SLC1A1: variants seen among roughly 807,000 people sequenced by gnomAD.
SLC1A1 encodes excitatory amino acid transporter 3.
SLC1A1 carries 43 observed loss-of-function variants against 53.3 expected under a neutral mutation model. That is an observed-to-expected ratio of 0.81 (90% CI 0.63 to 1.04). The LOEUF (loss-of-function observed/expected upper bound fraction) is 1.04. Among genes scored for constraint, SLC1A1 ranks in the 50% least tolerant of loss-of-function variants. SLC1A1 has a pLI of 0.00. For synonymous variants in SLC1A1, 307 were observed against 243.2 expected (o/e 1.26, Z -2.44); for missense variants, 748 against 664.9 (o/e 1.12, Z -1.37).
At chr9:4,507,994 G>C (rs7033181) in intron 1 of SLC1A1, among the ~76,000 whole-genome samples, 9,197 of 152,112 alleles carry the variant, frequency 0.06, 873 homozygotes, top group African/African-American at 0.21. Context: ...GGAGGAAAAG[G>C]TGTACCCTTC....
At chr9:4,503,837 A>G (rs1820714118) in intron 1 of SLC1A1, among the ~76,000 whole-genome samples, 1 of 151,820 alleles carries the variant, frequency 6.6e-6, no homozygotes, top group Non-Finnish European at 1.5e-5. Context: ...ACTGATTACA[A>G]CCTTCTTCAC....
chr9:4,541,856 C>G (rs575248297), intron 1 of SLC1A1, among the ~76,000 whole-genome samples: 26 of 152,320 alleles, frequency 1.7e-4, no homozygotes, highest in Non-Finnish European at 3.2e-4. Flanking sequence ...CTTTGGGAAC[C>G]TCTCCATAAT....
rs911987444 is a variant in SLC1A1 at position 4,549,475 on chromosome 9, C to T, written c.232+4768C>T. 2.0e-5 allele frequency among the ~76,000 whole-genome samples: 3 copies of T among 152,268 alleles called. No homozygotes were observed. Among genetic ancestry groups the T allele is most frequent in the Middle Eastern group, 3.4e-3 (1 of 294 alleles). ...CACCAATGGTGACATCCAACTGCTC[C>T]CTGAAGGGGCTCCCAGGGCCTCTTA... On this transcript the variant is annotated intron_variant, in intron 2 of 11. Coordinates refer to ENST00000262352, the MANE Select transcript of SLC1A1 (RefSeq NM_004170.6). This position sits in a 1 kb window ranked among gnomAD's most constrained non-coding sequence, Gnocchi z 4.1.
intron 1 of SLC1A1, among the ~76,000 whole-genome samples, chr9:4,510,068 A>G (rs1820948440): frequency 6.6e-6 from 1 of 152,188 alleles, no homozygotes; most frequent in South Asian, 2.1e-4. Flanking sequence ...TCCTGACCTC[A>G]AGTGATCCGC....
At chr9:4,557,598 C>T (rs1331440299) in intron 2 of SLC1A1, among the ~76,000 whole-genome samples, 2 of 150,424 alleles carry the variant, frequency 1.3e-5, no homozygotes, top group Non-Finnish European at 3.0e-5. Context: ...CCAGCCTGGG[C>T]AACATAGTGA....
At chr9:4,525,794 G>C in intron 1 of SLC1A1, among the ~76,000 whole-genome samples, 1 of 151,978 alleles carries the variant, frequency 6.6e-6, no homozygotes, top group East Asian at 1.9e-4. Context: ...GCATCACAGA[G>C]AGATAAAAAA....
chr9:4,573,985 G>A lies in SLC1A1; in HGVS notation c.846G>A (p.Leu282=), dbSNP rs1463027665. ...EVEDWEIFRK[L]GLYMATVLTG... is the part of the protein sequence containing the mutation. ...AAGACTGGGAAATATTCCGCAAGCT[G>A]GGCCTTTACATGGCCACAGTCCTGA... is the stretch of plus-strand genomic sequence containing the variant. The change falls in exon 8 of 12, where the codon CTG becomes CTA. Residue 282 remains leucine (L), a synonymous_variant. Transcript: ENST00000262352. The A allele has an allele frequency of 1.2e-6, 2 of 1,613,556 alleles. No individual in the cohort carries two copies. The highest frequency in any genetic ancestry group is 1.7e-6 in the Non-Finnish European group (2 of 1,179,590).
chr9:4,492,238 T>C (rs1266151143), intron 1 of SLC1A1, among the ~76,000 whole-genome samples: 1 of 152,150 alleles, frequency 6.6e-6, no homozygotes, highest in Non-Finnish European at 1.5e-5. Context: ...AACGACTTGA[T>C]TTCCTTTAGG....
rs1347935514 is a variant in SLC1A1 at position 4,549,107 on chromosome 9, G to T, written c.232+4400G>T. Among the ~76,000 whole-genome samples, 3 of 152,164 alleles carry T rather than the reference G, an allele frequency of 2.0e-5. No homozygotes were observed. The highest frequency in any genetic ancestry group is 4.4e-5 in the Non-Finnish European group (3 of 68,032). ...TCCCAAAATTAAACTATGATGATTG[G>T]AGCCTCCTATGACCAACACAGGGAC... On this transcript the variant is annotated intron_variant, in intron 2 of 11. Transcript: ENST00000262352. This position sits in a 1 kb window ranked among gnomAD's most constrained non-coding sequence, Gnocchi z 4.1.
chr9:4,504,930 T>C (rs1045834943), intron 1 of SLC1A1, among the ~76,000 whole-genome samples: 2 of 152,080 alleles, frequency 1.3e-5, no homozygotes, highest in Admixed American at 1.3e-4. Flanking sequence ...AAGTGGTAAA[T>C]AAGTCTGTAA....
intron 1 of SLC1A1, among the ~76,000 whole-genome samples, chr9:4,532,625 T>C (rs879889915): frequency 1.3e-5 from 2 of 152,176 alleles, no homozygotes; most frequent in Admixed American, 1.3e-4. Flanking sequence ...AGGAACCAAG[T>C]TGGAAAACAC....
At chr9:4,520,398 T>C (rs1244360014) in intron 1 of SLC1A1, among the ~76,000 whole-genome samples, 1 of 152,192 alleles carries the variant, frequency 6.6e-6, no homozygotes, top group Non-Finnish European at 1.5e-5. Flanking sequence ...CATTTAATTT[T>C]ATTATTATCT....
chr9:4,514,056 A>C (rs532773288), intron 1 of SLC1A1, among the ~76,000 whole-genome samples: 42 of 152,346 alleles, frequency 2.8e-4, no homozygotes, highest in African/African-American at 1.0e-3. Flanking sequence ...TGTGACTAGA[A>C]AGATACAGCA....
At chr9:4,545,079 G>C (rs990978206) in intron 2 of SLC1A1, among the ~76,000 whole-genome samples, 2 of 152,140 alleles carry the variant, frequency 1.3e-5, no homozygotes, top group African/African-American at 4.8e-5. Flanking sequence ...TTCAAGATGA[G>C]ATTTGGGTGG....
At chr9:4,572,952 A>G (rs561463508) in intron 7 of SLC1A1, among the ~76,000 whole-genome samples, 3 of 152,360 alleles carry the variant, frequency 2.0e-5, no homozygotes, top group Admixed American at 2.0e-4. Flanking sequence ...TTGGGAGATC[A>G]TCTTGCACTC....
intron 1 of SLC1A1, among the ~76,000 whole-genome samples, chr9:4,535,670 G>T (rs9774826): frequency 0.51 from 76,632 of 151,496 alleles, 19,945 homozygotes; most frequent in Non-Finnish European, 0.53. Flanking sequence ...TCCCCATCAA[G>T]CTACCAATGA....
intron 1 of SLC1A1, among the ~76,000 whole-genome samples, chr9:4,538,545 AAT>A (rs1204434681): frequency 1.3e-5 from 2 of 152,206 alleles, no homozygotes; most frequent in Non-Finnish European, 2.9e-5. Context: ...TATAAGGAAA[AAT>A]AGAAACAATA....
intron 1 of SLC1A1, among the ~76,000 whole-genome samples, chr9:4,524,029 G>C (rs973801156): frequency 6.6e-6 from 1 of 152,128 alleles, no homozygotes; most frequent in Non-Finnish European, 1.5e-5. Context: ...GTATATTAAA[G>C]GCCCTTTGTT....
intron 1 of SLC1A1, among the ~76,000 whole-genome samples, chr9:4,538,333 A>G (rs1816752747): frequency 6.6e-6 from 1 of 152,234 alleles, no homozygotes; most frequent in Non-Finnish European, 1.5e-5. Flanking sequence ...ACAGTTAGGT[A>G]AGAGACAAAG....
Sources: gnomAD v4.1 joint callset for allele counts (sites outside exome capture counted in the v4.1 genomes callset) on GRCh38, gnomAD v4.1.1 for gene constraint, Gnocchi (gnomAD v3.1) non-coding constraint, MANE v1.5 for transcripts, NCBI Gene and HGNC (gene_info 2026-07-23, HGNC 2026-07-21) for gene names.